Variants in ZNF652 observed in about 807,000 individuals in gnomAD.
The protein encoded by ZNF652 is zinc finger protein 652.
A neutral mutation model predicts 45.2 loss-of-function variants in ZNF652; 16 were observed. The observed-to-expected ratio is 0.35, with a 90% CI of 0.24 to 0.54. The LOEUF (loss-of-function observed/expected upper bound fraction) is 0.54, where lower values mean the gene tolerates loss of function less well. Ranked by LOEUF, ZNF652 falls within the 20% of genes least tolerant of loss-of-function variation. The pLI, the probability that ZNF652 is intolerant of heterozygous loss-of-function variation, is 0.91. For missense variants in ZNF652, 614 were observed against 765.6 expected (o/e 0.80, Z 2.34); for synonymous variants, 250 against 260.6 (o/e 0.96, Z 0.39).
chr17:49,356,793 T>C (rs1215707655), intron 1 of ZNF652, among the ~76,000 whole-genome samples: 1 of 152,178 alleles, frequency 6.6e-6, no homozygotes, highest in Non-Finnish European at 1.5e-5. Context: ...TACTGATGTG[T>C]CTACCTTATC....
chr17:49,317,645 G>A lies in ZNF652; in HGVS notation c.81C>T (p.Ser27=), dbSNP rs768249415. The A allele has an allele frequency of 2.2e-5, 36 of 1,613,602 alleles. No individual in the cohort carries two copies. The highest frequency in any genetic ancestry group is 3.0e-5 in the Non-Finnish European group (35 of 1,179,666). The change falls in exon 2 of 6, where the codon AGC becomes AGT. Residue 27 remains serine (S), a synonymous_variant. Coordinates refer to ENST00000430262, the MANE Select transcript of ZNF652 (RefSeq NM_001145365.3). ...VHVAGMAQED[S]RRGQVPSSFY... The stretch of plus-strand genomic sequence containing the variant: ...AGGAAGATGGCACTTGACCACGACG[G>A]CTATCTTCTTGTGCCATTCCTGCTA...
chr17:49,305,316 T>C (rs2069613988), intron 5 of ZNF652, among the ~76,000 whole-genome samples: 1 of 152,324 alleles, frequency 6.6e-6, no homozygotes, highest in South Asian at 2.1e-4. Flanking sequence ...GCCATTACCA[T>C]AAATTCTATT....
chr17:49,347,735 G>GTTTTTTTTTTTTTTTTTTTT (rs1567698709), intron 1 of ZNF652, among the ~76,000 whole-genome samples: 2 of 124,408 alleles, frequency 1.6e-5, no homozygotes, highest in Non-Finnish European at 3.2e-5. Flanking sequence ...TTGAACCTTG[G>GTTTTTTTTTTTTTTTTTTTT]TTTTGTTTTT....
At position 49,316,968 on chromosome 17, in the gene ZNF652, A is replaced by G; in HGVS notation, c.758T>C (p.Val253Ala). The G allele has an allele frequency of 6.2e-7, 1 of 1,614,116 alleles. No homozygotes were observed. The highest frequency in any genetic ancestry group is 2.2e-5 in the East Asian group (1 of 44,882). Residue 253 changes from valine (V) to alanine (A), a missense_variant, in exon 2 of 6, where the codon GTA becomes GCA. Physicochemically the swap from Val to Ala is moderately conservative, Grantham distance 64. Transcript: ENST00000430262. ...CTCCAGGTACCAGCGAGTGTTAAAT[A>G]CCCTGGGGCACTTCTCACAGGTCAG... Reference protein sequence around the residue: ...ETLTCEKCPRVFNTRWYLEKH... With the variant: ...ETLTCEKCPRAFNTRWYLEKH...
chr17:49,335,450 T>G (rs1185861240), intron 1 of ZNF652, among the ~76,000 whole-genome samples: 1 of 152,158 alleles, frequency 6.6e-6, no homozygotes, highest in Non-Finnish European at 1.5e-5. Flanking sequence ...TTTGTGTCTA[T>G]TCTGTTACCT....
chr17:49,301,866 T>TA (rs1296312296), intron 5 of ZNF652, among the ~76,000 whole-genome samples: 1 of 146,836 alleles, frequency 6.8e-6, no homozygotes, highest in African/African-American at 2.5e-5. Flanking sequence ...GTCTATATAG[T>TA]AAAAAACAAA....
intron 4 of ZNF652, 55 bp downstream of exon 4, chr17:49,311,872 C>A: frequency 6.9e-7 from 1 of 1,441,220 alleles, no homozygotes. Flanking sequence ...ACTGGTCCGC[C>A]ATCTATGCAA....
rs1436416452 is a variant in ZNF652 at position 49,290,294 on chromosome 17, G to A, written c.*8119C>T. On this transcript the variant is annotated 3_prime_UTR_variant, in exon 6 of 6. Transcript: ENST00000430262. Reference sequence around the variant, plus strand: ...GGTTGATTACTGACCTGTTTGTTGTGAAGATGCTGCTGCAATAAGCACAAA... The same window carrying A: ...GGTTGATTACTGACCTGTTTGTTGTAAAGATGCTGCTGCAATAAGCACAAA... 6.6e-6 allele frequency: 1 copy of A among 152,200 alleles called. No homozygotes were observed. Among genetic ancestry groups the A allele is most frequent in the African/African-American group, 2.4e-5 (1 of 41,434 alleles). 9.4% of individuals were successfully genotyped at this position (152,200 alleles called of 1,614,324 possible).
chr17:49,292,052 G>A lies in ZNF652; in HGVS notation c.*6361C>T, dbSNP rs2069411116. On this transcript the variant is annotated 3_prime_UTR_variant, in exon 6 of 6. Transcript: ENST00000430262. ...AGCTGCCTTCTTAGATACCCACCTT[G>A]TGTGGTTATTAGTCTTAAAAACCTG... Among the ~76,000 whole-genome samples the A allele has an allele frequency of 6.6e-6, 1 of 152,076 alleles. No individual in the cohort carries two copies. Among genetic ancestry groups the A allele is most frequent in the Non-Finnish European group, 1.5e-5 (1 of 68,020 alleles).
chr17:49,336,501 T>C (rs1464631726), intron 1 of ZNF652, among the ~76,000 whole-genome samples: 1 of 150,872 alleles, frequency 6.6e-6, no homozygotes, highest in Non-Finnish European at 1.5e-5. Context: ...AGCTAACTTT[T>C]GTATTTTATT....
rs2069446364 is a variant in ZNF652, at chr17:49,294,556, CT to C, written c.*3856del. 1 of 152,262 alleles carries C rather than the reference CT, an allele frequency of 6.6e-6. No individual in the cohort carries two copies. Among genetic ancestry groups the C allele is most frequent in the South Asian group, 2.1e-4 (1 of 4,830 alleles). 9.4% of individuals were successfully genotyped at this position (152,262 alleles called of 1,614,324 possible). A position where few individuals can be genotyped will look rare whatever the true frequency, so the allele number is the denominator to read the frequency against. ...AAAATCTAACTCCGAATGAGCCTAT[CT>C]GACTCAATTTGAGAAAGCAGCAGCC... is the stretch of plus-strand genomic sequence containing the variant. On this transcript the variant is annotated 3_prime_UTR_variant, in exon 6 of 6. Transcript: ENST00000430262.
At chr17:49,353,653 A>G (rs1033488949) in intron 1 of ZNF652, among the ~76,000 whole-genome samples, 1 of 152,224 alleles carries the variant, frequency 6.6e-6, no homozygotes, top group African/African-American at 2.4e-5. Context: ...GAAATAAAAC[A>G]GAATGAAAAT....
At chr17:49,314,041 A>G (rs1228849412) in intron 2 of ZNF652, among the ~76,000 whole-genome samples, 1 of 149,780 alleles carries the variant, frequency 6.7e-6, no homozygotes, top group African/African-American at 2.4e-5. Context: ...CATTTGGAGC[A>G]TTTATTAATA....
At chr17:49,350,887 T>A (rs1446933413) in intron 1 of ZNF652, among the ~76,000 whole-genome samples, 1 of 149,794 alleles carries the variant, frequency 6.7e-6, no homozygotes. Context: ...GGAGAATTGC[T>A]TGAACCCGAG....
chr17:49,334,931 C>T (rs941169077), intron 1 of ZNF652, among the ~76,000 whole-genome samples: 1 of 151,928 alleles, frequency 6.6e-6, no homozygotes, highest in Admixed American at 6.6e-5. Context: ...CAAATAGAGA[C>T]AGAAAGTAAA....
chr17:49,298,293 G>A lies in ZNF652; in HGVS notation c.*120C>T, dbSNP rs2069501739. ...TGGATCTGTTGATTCAGTGACACTG[G>A]CGAAGCTCTTGGTAGAGGCGGAGGA... On this transcript the variant is annotated 3_prime_UTR_variant, in exon 6 of 6. Transcript: ENST00000430262. 7.9e-7 allele frequency: 1 copy of A among 1,269,668 alleles called. No individual in the cohort carries two copies. The highest frequency in any genetic ancestry group is 2.5e-5 in the Admixed American group (1 of 40,504). 78.7% of individuals were successfully genotyped at this position (1,269,668 alleles called of 1,614,324 possible). A position where few individuals can be genotyped will look rare whatever the true frequency, so the allele number is the denominator to read the frequency against.
chr17:49,348,808 G>A (rs1426838178), intron 1 of ZNF652, among the ~76,000 whole-genome samples: 3 of 152,096 alleles, frequency 2.0e-5, no homozygotes, highest in Admixed American at 6.6e-5. Flanking sequence ...GCCTCCCAAA[G>A]TTCTGGGATT....
At chr17:49,341,477 A>C (rs2070145429) in intron 1 of ZNF652, among the ~76,000 whole-genome samples, 1 of 105,166 alleles carries the variant, frequency 9.5e-6, no homozygotes. Flanking sequence ...ACATAGTACG[A>C]CCTCATCTCT....
rs546523928 is a variant in ZNF652 at position 49,306,626 on chromosome 17, G to A, written c.1309+4686C>T. ...TCATACAGCTGGTGGGAGTATATGT[G>A]GAGGGCATTTCATAATACATGACAC... On this transcript the variant is annotated intron_variant, in intron 5 of 5. Coordinates refer to ENST00000430262, the MANE Select transcript of ZNF652 (RefSeq NM_001145365.3). Among the ~76,000 whole-genome samples the A allele has an allele frequency of 8.5e-5, 13 of 152,200 alleles. 1 individual carries two copies. In the East Asian group the frequency reaches 1.7e-3, roughly 20 times the overall value.
Sources: allele counts gnomAD v4.1 joint callset (sites outside exome capture counted in the v4.1 genomes callset), GRCh38; gene constraint gnomAD v4.1.1; transcripts MANE v1.5; gene names NCBI Gene and HGNC (gene_info 2026-07-23, HGNC 2026-07-21).